Variants in CORIN observed in about 807,000 individuals in gnomAD.
CORIN encodes corin, serine peptidase.
CORIN carries 117 observed loss-of-function variants against 125.3 expected under a neutral mutation model. The observed-to-expected ratio is 0.93, with a 90% CI of 0.80 to 1.09. The LOEUF is 1.09. CORIN is among the 50% of genes least tolerant of loss of function. CORIN has a pLI of 0.00. For synonymous variants in CORIN, 450 were observed against 466.4 expected (o/e 0.96, Z 0.45); for missense variants, 1,253 against 1,306.7 (o/e 0.96, Z 0.63).
At chr4:47,806,442 C>T (rs1731799398) in intron 2 of CORIN, among the ~76,000 whole-genome samples, 2 of 152,200 alleles carry the variant, frequency 1.3e-5, no homozygotes, top group South Asian at 4.1e-4. Context: ...GACTCCTGAA[C>T]TACTGTCTTC....
intron 10 of CORIN, among the ~76,000 whole-genome samples, chr4:47,671,986 A>G (rs185009639): frequency 6.6e-6 from 1 of 152,332 alleles, no homozygotes; most frequent in African/African-American, 2.4e-5. Context: ...TGCTGAATAT[A>G]TGTGGAGAGA....
At chr4:47,812,026 T>C (rs1732084662) in intron 1 of CORIN, among the ~76,000 whole-genome samples, 1 of 152,236 alleles carries the variant, frequency 6.6e-6, no homozygotes, top group African/African-American at 2.4e-5. Context: ...CAAACTAAAA[T>C]ATAAATTCTT....
In CORIN at chr4:47,600,194, G is replaced by A. The variant is rs1249117636; in HGVS notation, c.2946+20C>T. ...GTTATTGTTGAACTGAATCTCCTTG[G>A]TAACCAGAAAGCAACTTACCATGCA... is the stretch of plus-strand genomic sequence containing the variant. On this transcript the variant is annotated intron_variant, in intron 21 of 21. Transcript: ENST00000273857. 6.3e-7 allele frequency: 1 copy of A among 1,596,404 alleles called. No homozygotes were observed. Among genetic ancestry groups the A allele is most frequent in the Non-Finnish European group, 8.6e-7 (1 of 1,169,198 alleles).
intron 6 of CORIN, among the ~76,000 whole-genome samples, chr4:47,689,843 A>G (rs1373328425): frequency 2.0e-5 from 3 of 152,176 alleles, no homozygotes; most frequent in Admixed American, 1.3e-4. Context: ...AGACAAACTG[A>G]ATCAAAATCT....
chr4:47,690,283 A>G (rs1725709526), intron 6 of CORIN, among the ~76,000 whole-genome samples: 1 of 152,212 alleles, frequency 6.6e-6, no homozygotes, highest in Non-Finnish European at 1.5e-5. Context: ...ATTTTGAACC[A>G]TTTAAGACTG....
chr4:47,795,005 T>G (rs1731233113), intron 2 of CORIN, among the ~76,000 whole-genome samples: 1 of 152,188 alleles, frequency 6.6e-6, no homozygotes, highest in South Asian at 2.1e-4. Flanking sequence ...TCCTTTTGGA[T>G]GTGGATATGC....
chr4:47,684,241 A>C (rs1383348791), intron 6 of CORIN, among the ~76,000 whole-genome samples: 2 of 152,236 alleles, frequency 1.3e-5, no homozygotes, highest in Non-Finnish European at 2.9e-5. Context: ...CATAAACATA[A>C]CAAATAAAAT....
intron 5 of CORIN, among the ~76,000 whole-genome samples, chr4:47,736,767 G>A (rs1728155135): frequency 6.6e-6 from 1 of 152,296 alleles, no homozygotes; most frequent in Middle Eastern, 3.4e-3. Flanking sequence ...CATGGAACTT[G>A]CCAGTTCTTG....
At chr4:47,652,554 T>C (rs1723779806) in intron 13 of CORIN, 1 of 152,224 alleles carries the variant, frequency 6.6e-6, no homozygotes, top group African/African-American at 2.4e-5. Flanking sequence ...AAACACTGTT[T>C]ATTAAAGACC....
intron 19 of CORIN, among the ~76,000 whole-genome samples, chr4:47,604,212 G>A (rs1454659256): frequency 6.6e-6 from 1 of 152,116 alleles, no homozygotes; most frequent in Admixed American, 6.5e-5. Flanking sequence ...TTCTTCACTT[G>A]GCTTCCAGGT....
intron 12 of CORIN, among the ~76,000 whole-genome samples, chr4:47,658,185 GA>G (rs1279116208): frequency 1.3e-5 from 2 of 152,184 alleles, no homozygotes; most frequent in Admixed American, 1.3e-4. Flanking sequence ...TTGGCTAAAA[GA>G]AAGAGGCTAC....
chr4:47,649,334 C>T (rs1403570346), intron 13 of CORIN, among the ~76,000 whole-genome samples: 1 of 152,200 alleles, frequency 6.6e-6, no homozygotes, highest in Non-Finnish European at 1.5e-5. Flanking sequence ...ACTATGTGAG[C>T]CAGAGACCTC....
intron 19 of CORIN, among the ~76,000 whole-genome samples, chr4:47,622,260 T>C (rs1032497410): frequency 6.6e-6 from 1 of 151,904 alleles, no homozygotes; most frequent in African/African-American, 2.4e-5. Flanking sequence ...TGTTGGACAT[T>C]TGGGTTGGTT....
intron 5 of CORIN, among the ~76,000 whole-genome samples, chr4:47,729,541 A>G (rs1727760216): frequency 6.6e-6 from 1 of 152,176 alleles, no homozygotes; most frequent in Admixed American, 6.5e-5. Flanking sequence ...AAAGTCAGAG[A>G]CGCAATCAGG....
intron 2 of CORIN, among the ~76,000 whole-genome samples, chr4:47,805,581 AC>A (rs1189145822): frequency 6.6e-6 from 1 of 152,146 alleles, no homozygotes; most frequent in East Asian, 1.9e-4. Flanking sequence ...ATCCAGTTCT[AC>A]CGCCTTTTGC....
intron 4 of CORIN, among the ~76,000 whole-genome samples, chr4:47,757,563 C>A (rs1468518207): frequency 6.6e-6 from 1 of 151,922 alleles, no homozygotes; most frequent in Non-Finnish European, 1.5e-5. Context: ...CTACTACACT[C>A]CAGCCTTAGC....
In CORIN at chr4:47,616,699, T is replaced by C. The variant is rs1247207842; in HGVS notation, c.2540+6872A>G. 2.0e-5 allele frequency among the ~76,000 whole-genome samples: 3 copies of C among 152,250 alleles called. No homozygotes were observed. In the East Asian group the frequency reaches 5.8e-4, roughly 29 times the overall value. ...CGCAACCAGAGTGGGCTGAAGAGAA[T>C]GTGGGACATGGAGAGGTGTAGACAG... On this transcript the variant is annotated intron_variant, in intron 19 of 21. Transcript: ENST00000273857.
rs574656550 is a variant in CORIN, at chr4:47,681,652, C to T, written c.1022-1401G>A. The stretch of plus-strand genomic sequence containing the variant: ...TATATAATTACAATTTCCTCTCATC[C>T]TTTTTCTCAAGACTAGTCAGTCCCA... On this transcript the variant is annotated intron_variant, in intron 7 of 21. Transcript: ENST00000273857. 4 of 152,322 alleles carry T rather than the reference C, an allele frequency of 2.6e-5. No homozygotes were observed. In the South Asian group the frequency reaches 8.3e-4, roughly 32 times the overall value. The allele number at this position is 152,322 out of a possible 1,614,324, so 9.4% of individuals were successfully genotyped here.
chr4:47,740,128 T>C (rs140994648), intron 5 of CORIN, among the ~76,000 whole-genome samples: 9 of 152,080 alleles, frequency 5.9e-5, no homozygotes, highest in African/African-American at 1.4e-4. Flanking sequence ...ATTTGTCTCA[T>C]AGATAAAAAT....
Sources: gnomAD v4.1 joint callset for allele counts (sites outside exome capture counted in the v4.1 genomes callset) on GRCh38, gnomAD v4.1.1 for gene constraint, MANE v1.5 for transcripts, NCBI Gene and HGNC (gene_info 2026-07-23, HGNC 2026-07-21) for gene names.